Variants in FRMD4A observed in about 807,000 individuals in gnomAD.
The protein encoded by FRMD4A is FERM domain-containing protein 4A.
FRMD4A carries 29 observed loss-of-function variants against 129.1 expected under a neutral mutation model. That is an observed-to-expected ratio of 0.22 (90% confidence interval 0.17 to 0.31). The LOEUF is 0.31. FRMD4A is among the 10% of genes least tolerant of loss of function. The pLI is 1.00. For missense variants in FRMD4A, 1,272 were observed against 1,375.8 expected, an observed-to-expected ratio of 0.92 and a Z score of 1.19; for synonymous variants, 634 against 571.6, an observed-to-expected ratio of 1.11 and a Z score of -1.56.
Position 13,964,206 on chromosome 10 carries a change from C to T in FRMD4A, c.46-105294G>A, listed in dbSNP as rs562435018. ...GACGGACGCGGTTTCTACAAATAGA[C>T]CAAAGAAAACCAAAACAAAAAACAT... On this transcript the variant is annotated intron_variant, in intron 2 of 24. Coordinates refer to ENST00000357447, the MANE Select transcript of FRMD4A (RefSeq NM_018027.5). 4.0e-5 allele frequency among the ~76,000 whole-genome samples: 6 copies of T among 151,156 alleles called. No individual in the cohort carries two copies. In the South Asian group the frequency reaches 1.3e-3, roughly 32 times the overall value.
At chr10:14,139,443 ATTAT>A (rs952495164) in intron 2 of FRMD4A, among the ~76,000 whole-genome samples, 2 of 136,620 alleles carry the variant, frequency 1.5e-5, no homozygotes, top group Middle Eastern at 3.7e-3. Flanking sequence ...TTCTTTTTTT[ATTAT>A]TTATTTTTTT....
intron 2 of FRMD4A, among the ~76,000 whole-genome samples, chr10:14,161,458 C>T (rs760310071): frequency 2.0e-5 from 3 of 152,072 alleles, no homozygotes; most frequent in Non-Finnish European, 4.4e-5. Flanking sequence ...GAAAATGTGA[C>T]ATATATACAC....
At chr10:13,704,158 C>T (rs1291069272) in intron 13 of FRMD4A, among the ~76,000 whole-genome samples, 1 of 152,218 alleles carries the variant, frequency 6.6e-6, no homozygotes, top group African/African-American at 2.4e-5. Flanking sequence ...AGAAAAAAGG[C>T]ACCACTAGGA....
At chr10:13,914,842 C>T (rs554611226) in intron 2 of FRMD4A, among the ~76,000 whole-genome samples, 2 of 152,140 alleles carry the variant, frequency 1.3e-5, no homozygotes, top group East Asian at 1.9e-4. Context: ...AGAGTGAGAC[C>T]CCATCTCTAC....
intron 2 of FRMD4A, among the ~76,000 whole-genome samples, chr10:13,960,006 A>G (rs939319905): frequency 1.3e-5 from 2 of 152,324 alleles, no homozygotes; most frequent in East Asian, 3.9e-4. Context: ...CTTGGGAAGC[A>G]TAAACAAAGC....
chr10:13,897,936 CAAAA>C (rs36021849), intron 2 of FRMD4A, among the ~76,000 whole-genome samples: 4 of 72,346 alleles, frequency 5.5e-5, no homozygotes, highest in Admixed American at 1.4e-4. Context: ...GACTCCGACT[CAAAA>C]AAAAAAAAAA....
intron 2 of FRMD4A, among the ~76,000 whole-genome samples, chr10:14,136,597 A>T (rs1291997660): frequency 6.6e-6 from 1 of 152,134 alleles, no homozygotes; most frequent in East Asian, 1.9e-4. Context: ...TGCAAGGCTG[A>T]TCAAAGACCC....
chr10:14,127,987 TC>T (rs1226018558), intron 2 of FRMD4A, among the ~76,000 whole-genome samples: 3 of 122,882 alleles, frequency 2.4e-5, no homozygotes, highest in Admixed American at 8.5e-5. Context: ...TCCTTCTCTC[TC>T]TCTCTCTCTC....
In FRMD4A at chr10:14,205,662, C is replaced by T. The variant is rs1236413859; in HGVS notation, c.45+124396G>A. 3.3e-5 allele frequency among the ~76,000 whole-genome samples: 5 copies of T among 152,084 alleles called. No homozygotes were observed. In the East Asian group the frequency reaches 9.7e-4, roughly 29 times the overall value. ...TCTCTACAAAAAATACAAAAATTAG[C>T]TGGGTGTGGTGGCAGGCACCTGTAG... On this transcript the variant is annotated intron_variant, in intron 2 of 24. Transcript: ENST00000357447.
intron 16 of FRMD4A, among the ~76,000 whole-genome samples, chr10:13,672,418 G>A (rs1370838801): frequency 6.6e-6 from 1 of 151,332 alleles, no homozygotes; most frequent in Non-Finnish European, 1.5e-5. Context: ...GTTTTATATT[G>A]TCAGGACTTG....
chr10:14,103,049 G>A (rs1018494064), intron 2 of FRMD4A, among the ~76,000 whole-genome samples: 3 of 152,130 alleles, frequency 2.0e-5, no homozygotes, highest in Non-Finnish European at 4.4e-5. Context: ...GTTGGAGGGA[G>A]GAAAGGATTT....
At chr10:14,193,765 A>T (rs777891614) in intron 2 of FRMD4A, among the ~76,000 whole-genome samples, 1 of 151,896 alleles carries the variant, frequency 6.6e-6, no homozygotes. Context: ...TTGATGTTCT[A>T]TGTCAACTCC....
At chr10:13,665,837 G>T (rs896820329) in intron 18 of FRMD4A, among the ~76,000 whole-genome samples, 1 of 152,230 alleles carries the variant, frequency 6.6e-6, no homozygotes, top group African/African-American at 2.4e-5. Flanking sequence ...CTAGCTCCTG[G>T]CTGCAGGTTC....
In FRMD4A at chr10:13,656,781, G is replaced by A. The variant is rs148321299; in HGVS notation, c.2808C>T (p.Thr936=). 7.6e-5 allele frequency: 122 copies of A among 1,596,370 alleles called. 1 individual carries two copies. The highest frequency in any genetic ancestry group is 6.4e-4 in the African/African-American group (47 of 73,518). The change falls in exon 22 of 25, where the codon ACC becomes ACT. Residue 936 remains threonine (T), a synonymous_variant. Transcript: ENST00000357447. ...GGCGGCTGTGCTCCTTGTGCGAGGC[G>A]GTGGAACGCTGGTACCACTGGCGCA... ...DELRQWYQRS[T]ASHKEHSRLS... is the part of the protein sequence containing the mutation.
Position 13,891,368 on chromosome 10 carries a change from C to G in FRMD4A, c.46-32456G>C, listed in dbSNP as rs80049954. Among the ~76,000 whole-genome samples, 224 of 152,306 alleles carry G rather than the reference C, an allele frequency of 1.5e-3. 1 individual carries two copies. The highest frequency in any genetic ancestry group is 2.5e-3 in the Admixed American group (38 of 15,308). ...TCCTATCTCCCCGGGTAGATTCAGA[C>G]AGCGTGGGACTGAGGTGCCCAAGGA... is the stretch of plus-strand genomic sequence containing the variant. On this transcript the variant is annotated intron_variant, in intron 2 of 24. Transcript: ENST00000357447.
chr10:13,866,202 A>G (rs2094365491), intron 2 of FRMD4A: 1 of 480,518 alleles, frequency 2.1e-6, no homozygotes, highest in Admixed American at 6.4e-5. Context: ...ATCCTTTAAA[A>G]CTTAGTCATC....
At position 14,179,584 on chromosome 10, in the gene FRMD4A, A is replaced by G. The variant is rs977484646; in HGVS notation, c.45+150474T>C. Among the ~76,000 whole-genome samples, 4 of 152,260 alleles carry G rather than the reference A, an allele frequency of 2.6e-5. No individual in the cohort carries two copies. The South Asian group carries it at 6.2e-4, about 24-fold the overall frequency. On this transcript the variant is annotated intron_variant, in intron 2 of 24. Coordinates refer to ENST00000357447, the MANE Select transcript of FRMD4A (RefSeq NM_018027.5). ...CAGAGAAAATTTTCACCTGCTATGTACTAAAGTGCTCAATAAAAATTGTGA... is the reference window on the plus strand; with the variant it reads ...CAGAGAAAATTTTCACCTGCTATGTGCTAAAGTGCTCAATAAAAATTGTGA...
intron 3 of FRMD4A, among the ~76,000 whole-genome samples, chr10:13,820,597 C>T (rs2093615596): frequency 6.6e-6 from 1 of 152,166 alleles, no homozygotes; most frequent in African/African-American, 2.4e-5. Flanking sequence ...CAGGTGACTC[C>T]CATCTGTGCT....
rs558627089 is a variant in FRMD4A, at chr10:14,021,579, A to C, written c.46-162667T>G. Reference sequence around the variant, plus strand: ...CTCAAATAAATACATAAATACAATAAAATAAAAATAAATAAATAAAAACTG... The same window carrying C: ...CTCAAATAAATACATAAATACAATACAATAAAAATAAATAAATAAAAACTG... On this transcript the variant is annotated intron_variant, in intron 2 of 24. Transcript: ENST00000357447. 4.0e-4 allele frequency among the ~76,000 whole-genome samples: 61 copies of C among 152,008 alleles called. No homozygotes were observed. The East Asian group carries it at 8.9e-3, about 22-fold the overall frequency.
Sources: gnomAD v4.1 joint callset for allele counts (sites outside exome capture counted in the v4.1 genomes callset) on GRCh38, gnomAD v4.1.1 for gene constraint, MANE v1.5 for transcripts, NCBI Gene and HGNC (gene_info 2026-07-23, HGNC 2026-07-21) for gene names.